ZBTB42: variants seen among roughly 807,000 people sequenced by gnomAD.
ZBTB42 encodes zinc finger and BTB domain containing 42, also known as zinc finger and BTB domain-containing protein 42.
ZBTB42 carries 3 observed loss-of-function variants against 4.7 expected under a neutral mutation model. The observed-to-expected ratio is 0.64, with a 90% CI of 0.29 to 1.66. ZBTB42 has a LOEUF of 1.66. Ranked by LOEUF, ZBTB42 falls within the 40% of genes most tolerant of loss-of-function variation. The pLI is 0.10. For synonymous variants in ZBTB42, 255 were observed against 259.5 expected, an observed-to-expected ratio of 0.98 and a Z score of 0.17; for missense variants, 521 against 577.1, an observed-to-expected ratio of 0.90 and a Z score of 1.00.
chr14:104,800,947 A>T (rs1036462739), upstream of ZBTB42: 1 of 367,096 alleles, frequency 2.7e-6, no homozygotes, highest in Non-Finnish European at 4.8e-6. The surrounding 1 kb of genome is among the most constrained non-coding windows in gnomAD (Gnocchi z 5.3). Flanking sequence ...GGACGCGCGC[A>T]GGTTTGCGCG....
Position 104,804,315 on chromosome 14 carries a change from T to C in ZBTB42, c.*1849T>C, listed in dbSNP as rs1894124267. 6.0e-6 allele frequency: 1 copy of C among 166,860 alleles called. No individual in the cohort carries two copies. The highest frequency in any genetic ancestry group is 1.5e-5 in the Non-Finnish European group (1 of 68,112). The allele number at this position is 166,860 out of a possible 1,614,324, so 10.3% of individuals were successfully genotyped here. A position where few individuals can be genotyped will look rare whatever the true frequency, so the allele number is the denominator to read the frequency against. Reference sequence around the variant, plus strand: ...GGGTCCCATGGGGGAAGAACTTCCCTTTGCTGGGGTGGGCAGCCTGCCCTG... The same window carrying C: ...GGGTCCCATGGGGGAAGAACTTCCCCTTGCTGGGGTGGGCAGCCTGCCCTG... On this transcript the variant is annotated 3_prime_UTR_variant, in exon 1 of 1. Transcript: ENST00000342537.
At position 104,802,771 on chromosome 14, in the gene ZBTB42, G is replaced by T; in HGVS notation, c.*305G>T. 1 of 461,468 alleles carries T rather than the reference G, an allele frequency of 2.2e-6. No homozygotes were observed. 28.6% of individuals were successfully genotyped at this position (461,468 alleles called of 1,614,324 possible). On this transcript the variant is annotated 3_prime_UTR_variant, in exon 1 of 1. Coordinates refer to ENST00000342537, the MANE Select transcript of ZBTB42 (RefSeq NM_001137601.3). The surrounding 1 kb of genome is among the most constrained non-coding windows in gnomAD (Gnocchi z 5.9). ...CTCCCGTCCCCTCCAGCCAAGTTCTGAGGGGTGTCCAACCAGCACCTGGCT... is the reference window on the plus strand; with the variant it reads ...CTCCCGTCCCCTCCAGCCAAGTTCTTAGGGGTGTCCAACCAGCACCTGGCT...
rs1894118039 is a variant in ZBTB42 at position 104,804,151 on chromosome 14, G to A, written c.*1685G>A. Reference sequence around the variant, plus strand: ...TGTGCTCCATAATCGGGTGGGGGGTGTGTGTGTGTGTGTGTGTGTGTGTAT... The same window carrying A: ...TGTGCTCCATAATCGGGTGGGGGGTATGTGTGTGTGTGTGTGTGTGTGTAT... On this transcript the variant is annotated 3_prime_UTR_variant, in exon 1 of 1. Coordinates refer to ENST00000342537, the MANE Select transcript of ZBTB42 (RefSeq NM_001137601.3). 1 of 164,982 alleles carries A rather than the reference G, an allele frequency of 6.1e-6. No individual in the cohort carries two copies. Among genetic ancestry groups the A allele is most frequent in the South Asian group, 2.1e-4 (1 of 4,764 alleles). The allele number at this position is 164,982 out of a possible 1,614,324, so 10.2% of individuals were successfully genotyped here.
At position 104,802,584 on chromosome 14, in the gene ZBTB42, T is replaced by G; in HGVS notation, c.*118T>G. On this transcript the variant is annotated 3_prime_UTR_variant, in exon 1 of 1. Transcript: ENST00000342537. This position sits in a 1 kb window ranked among gnomAD's most constrained non-coding sequence, Gnocchi z 5.9. ...GAGGTCCCTGCTTGGGCCAGATGGC[T>G]CCACCCTCCTGGCAGAGAGAATGCT... 7.2e-7 allele frequency: 1 copy of G among 1,392,854 alleles called. No homozygotes were observed. The highest frequency in any genetic ancestry group is 9.6e-7 in the Non-Finnish European group (1 of 1,044,432). The allele number at this position is 1,392,854 out of a possible 1,614,324, so 86.3% of individuals were successfully genotyped here.
rs1555386337 is a variant in ZBTB42 at position 104,803,071 on chromosome 14, T to TTG, written c.*605_*606insTG. On this transcript the variant is annotated 3_prime_UTR_variant, in exon 1 of 1. Transcript: ENST00000342537. ...TCTGGGCACAGCTGGTGTCTCGGGG[T>TTG]GGGGGGGGGGGTGCAGCCCCAGCAG... 3.7e-4 allele frequency: 29 copies of TTG among 77,350 alleles called. 3 individuals carry two copies. Among genetic ancestry groups the TTG allele is most frequent in the African/African-American group, 1.7e-3 (27 of 15,872 alleles). The allele number at this position is 77,350 out of a possible 1,614,324, so 4.8% of individuals were successfully genotyped here. A position where few individuals can be genotyped will look rare whatever the true frequency, so the allele number is the denominator to read the frequency against.
chr14:104,801,082 G>A (rs1274109023), upstream of ZBTB42: 1 of 1,317,332 alleles, frequency 7.6e-7, no homozygotes, highest in Non-Finnish European at 9.7e-7. This position sits in a 1 kb window ranked among gnomAD's most constrained non-coding sequence, Gnocchi z 4.4. Context: ...GAGGTTGCGC[G>A]CGTCACTCCC....
rs941645290 is a variant in ZBTB42, at chr14:104,803,937, C to T, written c.*1471C>T. ...AGCCTGGTCTGGAGTGAAAGACCGTCCCTAGCGCATCTCCCACGCGCCCTG... is the reference window on the plus strand; with the variant it reads ...AGCCTGGTCTGGAGTGAAAGACCGTTCCTAGCGCATCTCCCACGCGCCCTG... On this transcript the variant is annotated 3_prime_UTR_variant, in exon 1 of 1. Transcript: ENST00000342537. The T allele has an allele frequency of 6.0e-6, 1 of 166,216 alleles. No homozygotes were observed. The highest frequency in any genetic ancestry group is 1.5e-5 in the Non-Finnish European group (1 of 68,116). The allele number at this position is 166,216 out of a possible 1,614,324, so 10.3% of individuals were successfully genotyped here.
At position 104,801,368 on chromosome 14, in the gene ZBTB42, C is replaced by G; in HGVS notation, c.171C>G (p.Pro57=). 6.5e-7 allele frequency: 1 copy of G among 1,547,012 alleles called. No individual in the cohort carries two copies. The highest frequency in any genetic ancestry group is 8.7e-7 in the Non-Finnish European group (1 of 1,145,196). ...VYFHLFYRDR[P]AGSRDTVRLN... is the part of the protein sequence containing the mutation. Reference sequence around the variant, plus strand: ...TCCATCTCTTCTACAGGGACCGGCCCGCGGGCAGTCGCGACACGGTGCGGC... The same window carrying G: ...TCCATCTCTTCTACAGGGACCGGCCGGCGGGCAGTCGCGACACGGTGCGGC... Residue 57 remains proline (P), a synonymous_variant, in exon 1 of 1, where the codon CCC becomes CCG. Coordinates refer to ENST00000342537, the MANE Select transcript of ZBTB42 (RefSeq NM_001137601.3). This position sits in a 1 kb window ranked among gnomAD's most constrained non-coding sequence, Gnocchi z 4.4.
Position 104,802,187 on chromosome 14 carries a change from C to G in ZBTB42, c.990C>G (p.Asp330Glu). The part of the protein sequence containing the change: ...RDSTRARLSP[D>E]GVAPTCPLCG... Reference sequence around the variant, plus strand: ...GCACCCGGGCCCGGCTCTCACCCGACGGCGTGGCACCCACCTGCCCGCTCT... The same window carrying G: ...GCACCCGGGCCCGGCTCTCACCCGAGGGCGTGGCACCCACCTGCCCGCTCT... Residue 330 changes from aspartate (D) to glutamate (E), a missense_variant, in exon 1 of 1, where the codon GAC (aspartate) becomes GAG (glutamate). Coordinates refer to ENST00000342537, the MANE Select transcript of ZBTB42 (RefSeq NM_001137601.3). The surrounding 1 kb of genome is among the most constrained non-coding windows in gnomAD (Gnocchi z 5.9). 6.5e-7 allele frequency: 1 copy of G among 1,549,546 alleles called. No homozygotes were observed. Among genetic ancestry groups the G allele is most frequent in the Non-Finnish European group, 8.7e-7 (1 of 1,146,878 alleles).
Position 104,801,762 on chromosome 14 carries a change from G to C in ZBTB42, c.565G>C (p.Asp189His). 1 of 1,549,662 alleles carries C rather than the reference G, an allele frequency of 6.5e-7. No individual in the cohort carries two copies. Among genetic ancestry groups the C allele is most frequent in the Non-Finnish European group, 8.7e-7 (1 of 1,146,584 alleles). The change falls in exon 1 of 1, where the codon GAC becomes CAC. Residue 189 changes from aspartate to histidine, a missense_variant. Asp to His is a moderately conservative substitution (Grantham distance 81). Transcript: ENST00000342537. The surrounding 1 kb of genome is among the most constrained non-coding windows in gnomAD (Gnocchi z 4.4). ...QVPEESDQAL[D>H]LSLKSGPRQE... ...CCCAGAAGAGTCAGACCAGGCCCTG[G>C]ACCTGTCGTTGAAGTCTGGCCCAAG...
In ZBTB42 at chr14:104,802,207, C is replaced by T. The variant is rs142321750; in HGVS notation, c.1010C>T (p.Pro337Leu). Residue 337 changes from proline (P) to leucine (L), a missense_variant, in exon 1 of 1, where the codon CCG becomes CTG. Coordinates refer to ENST00000342537, the MANE Select transcript of ZBTB42 (RefSeq NM_001137601.3). The surrounding 1 kb of genome is among the most constrained non-coding windows in gnomAD (Gnocchi z 5.9). ...CCCGACGGCGTGGCACCCACCTGCC[C>T]GCTCTGTGGGAAGACCTTCTCGTGC... ...LSPDGVAPTCPLCGKTFSCTY... is the reference protein window; with the variant it reads ...LSPDGVAPTCLLCGKTFSCTY... 2.1e-5 allele frequency: 33 copies of T among 1,550,002 alleles called. No individual in the cohort carries two copies. In the Middle Eastern group the frequency reaches 6.7e-4, roughly 31 times the overall value.
Position 104,802,123 on chromosome 14 carries a change from T to C in ZBTB42, c.926T>C (p.Leu309Pro). Residue 309 changes from leucine to proline, a missense_variant, in exon 1 of 1, where the codon CTG becomes CCG. By Grantham distance (98) the Leu-to-Pro change is moderately conservative (BLOSUM62 -3). Coordinates refer to ENST00000342537, the MANE Select transcript of ZBTB42 (RefSeq NM_001137601.3). This position sits in a 1 kb window ranked among gnomAD's most constrained non-coding sequence, Gnocchi z 5.9. ...CSKLFPSSHVLQLHLSAHFRE... is the reference protein window; with the variant it reads ...CSKLFPSSHVPQLHLSAHFRE... ...AAGCTGTTTCCCAGCTCCCACGTGC[T>C]GCAGCTGCACCTCAGTGCCCACTTC... 6.5e-7 allele frequency: 1 copy of C among 1,535,580 alleles called. No individual in the cohort carries two copies.
chr14:104,801,929 T>TC lies in ZBTB42; in HGVS notation c.737dup (p.Lys247GlufsTer38), dbSNP rs1595272803. 6.5e-7 allele frequency: 1 copy of TC among 1,537,254 alleles called. No homozygotes were observed. The highest frequency in any genetic ancestry group is 2.4e-5 in the East Asian group (1 of 40,820). On this transcript the variant is annotated frameshift_variant, in exon 1 of 1. Coordinates refer to ENST00000342537, the MANE Select transcript of ZBTB42 (RefSeq NM_001137601.3). LOFTEE classifies it low-confidence loss of function (END_TRUNC). The surrounding 1 kb of genome is among the most constrained non-coding windows in gnomAD (Gnocchi z 4.4). Reference sequence around the variant, plus strand: ...GCAGCAGCTCTAGGAGCCCCCACAGTCCCCCGAAGCCACCTCCTGTTCCTG... The same window carrying TC: ...GCAGCAGCTCTAGGAGCCCCCACAGTCCCCCCGAAGCCACCTCCTGTTCCTG...
In ZBTB42 at chr14:104,802,271, T is replaced by C; in HGVS notation, c.1074T>C (p.Gly358=). The change falls in exon 1 of 1, where the codon GGT becomes GGC. Residue 358 remains glycine, a synonymous_variant. Coordinates refer to ENST00000342537, the MANE Select transcript of ZBTB42 (RefSeq NM_001137601.3). The surrounding 1 kb of genome is among the most constrained non-coding windows in gnomAD (Gnocchi z 5.9). ...TLKRHERTHS[G]EKPYTCVQCG... ...AGAGGCACGAGCGGACACACTCGGG[T>C]GAGAAGCCCTATACGTGTGTGCAGT... 5 of 1,550,270 alleles carry C rather than the reference T, an allele frequency of 3.2e-6. No individual in the cohort carries two copies. Among genetic ancestry groups the C allele is most frequent in the Non-Finnish European group, 4.4e-6 (5 of 1,146,950 alleles).
Position 104,801,266 on chromosome 14 carries a change from A to G in ZBTB42, c.69A>G (p.Leu23=), listed in dbSNP as rs778765249. ...GACAGCAGCGCGAGCTGGGCTTCCT[A>G]TGCGACTGCACCGTGCTGGTGGGCG... The part of the protein sequence containing the change: ...RLRQQRELGF[L]CDCTVLVGDA... The change falls in exon 1 of 1, where the codon CTA becomes CTG. Residue 23 remains leucine (L), a synonymous_variant. Transcript: ENST00000342537. The surrounding 1 kb of genome is among the most constrained non-coding windows in gnomAD (Gnocchi z 4.4). 20 of 1,519,968 alleles carry G rather than the reference A, an allele frequency of 1.3e-5. No homozygotes were observed. In the African/African-American group the frequency reaches 2.4e-4, roughly 18 times the overall value. 94.2% of individuals were successfully genotyped at this position (1,519,968 alleles called of 1,614,324 possible).
At position 104,801,723 on chromosome 14, in the gene ZBTB42, C is replaced by T; in HGVS notation, c.526C>T (p.Pro176Ser). 1 of 1,550,100 alleles carries T rather than the reference C, an allele frequency of 6.5e-7. No homozygotes were observed. The change falls in exon 1 of 1, where the codon CCT (proline) becomes TCT (serine). Residue 176 changes from proline (P) to serine (S), a missense_variant. Physicochemically the swap from Pro to Ser is moderately conservative, Grantham distance 74 (BLOSUM62 -1). Coordinates refer to ENST00000342537, the MANE Select transcript of ZBTB42 (RefSeq NM_001137601.3). The surrounding 1 kb of genome is among the most constrained non-coding windows in gnomAD (Gnocchi z 4.4). Reference protein sequence around the residue: ...AALPPRASGPPPCQVPEESDQ... With the variant: ...AALPPRASGPSPCQVPEESDQ... ...CCTCCCTCCTCGAGCATCTGGGCCT[C>T]CTCCCTGCCAGGTCCCAGAAGAGTC...
Position 104,801,279 on chromosome 14 carries a change from G to T in ZBTB42, c.82G>T (p.Val28Leu). 6.5e-7 allele frequency: 1 copy of T among 1,540,846 alleles called. No individual in the cohort carries two copies. Among genetic ancestry groups the T allele is most frequent in the Non-Finnish European group, 8.7e-7 (1 of 1,144,304 alleles). ...RELGFLCDCT[V>L]LVGDARFPAH... ...GCTGGGCTTCCTATGCGACTGCACC[G>T]TGCTGGTGGGCGACGCGCGCTTCCC... The change falls in exon 1 of 1, where the codon GTG becomes TTG. Residue 28 changes from valine to leucine, a missense_variant. Val to Leu is a conservative substitution (Grantham distance 32, BLOSUM62 1). Transcript: ENST00000342537. The surrounding 1 kb of genome is among the most constrained non-coding windows in gnomAD (Gnocchi z 4.4).
chr14:104,800,912 G>A (rs1894025137), upstream of ZBTB42: 2 of 280,670 alleles, frequency 7.1e-6, no homozygotes, highest in Non-Finnish European at 1.3e-5. This position sits in a 1 kb window ranked among gnomAD's most constrained non-coding sequence, Gnocchi z 5.3. Context: ...CCGCCCGGGA[G>A]TGAAGTTCAG....
upstream of ZBTB42, chr14:104,800,967 C>T (rs1472334849): frequency 1.1e-5 from 5 of 435,164 alleles, no homozygotes; most frequent in African/African-American, 8.2e-5. The surrounding 1 kb of genome is among the most constrained non-coding windows in gnomAD (Gnocchi z 5.3). Flanking sequence ...GGCTCCGGCT[C>T]CTGCGCCTGA....
Sources: gnomAD v4.1 joint callset for allele counts on GRCh38, gnomAD v4.1.1 for gene constraint, Gnocchi (gnomAD v3.1) non-coding constraint, MANE v1.5 for transcripts, NCBI Gene and HGNC (gene_info 2026-07-23, HGNC 2026-07-21) for gene names.